BCAS3: variants seen among roughly 807,000 people sequenced by gnomAD.
BCAS3 encodes BCAS3 microtubule associated cell migration factor, also known as BCAS4/BCAS3 fusion.
Under a neutral mutation model 116.1 loss-of-function variants are expected in BCAS3, and 53 were observed. The ratio of observed to expected loss-of-function variants is 0.46; its 90% CI spans 0.37 to 0.57. BCAS3 has a LOEUF of 0.57. BCAS3 is among the 20% of genes least tolerant of loss of function. The pLI is 0.00. For missense variants in BCAS3, 917 were observed against 1,165.4 expected (o/e 0.79, Z 3.10); for synonymous variants, 391 against 408.2 (o/e 0.96, Z 0.51).
intron 14 of BCAS3, among the ~76,000 whole-genome samples, chr17:60,985,633 C>T (rs1312695296): frequency 2.0e-5 from 3 of 152,166 alleles, no homozygotes; most frequent in African/African-American, 4.8e-5. Flanking sequence ...TTCTATTTTT[C>T]GTACCCATTA....
intron 13 of BCAS3, among the ~76,000 whole-genome samples, chr17:60,935,737 CTTAG>C (rs1268281092): frequency 1.3e-5 from 2 of 152,078 alleles, no homozygotes; most frequent in African/African-American, 2.4e-5. Context: ...TCATTTGTTA[CTTAG>C]TTACTTACTT....
At position 61,181,680 on chromosome 17, in the gene BCAS3, G is replaced by C. The variant is rs2079491303; in HGVS notation, c.2425+97116G>C. Among the ~76,000 whole-genome samples the C allele has an allele frequency of 6.6e-6, 1 of 152,124 alleles. No homozygotes were observed. The highest frequency in any genetic ancestry group is 2.4e-5 in the African/African-American group (1 of 41,418). On this transcript the variant is annotated intron_variant, in intron 22 of 23. Transcript: ENST00000407086. This position sits in a 1 kb window ranked among gnomAD's most constrained non-coding sequence, Gnocchi z 5.0. ...CTGTTACTCTGATCATCTACATATA[G>C]AGATACACTGGATGATAAGAGTCAA... is the stretch of plus-strand genomic sequence containing the variant.
At chr17:61,216,588 C>A (rs1019634716) in intron 22 of BCAS3, among the ~76,000 whole-genome samples, 2 of 150,426 alleles carry the variant, frequency 1.3e-5, no homozygotes, top group Non-Finnish European at 3.0e-5. Context: ...CTCTGTCGCC[C>A]AGGCTGAAGT....
chr17:61,272,389 T>C (rs2050359599), intron 22 of BCAS3, among the ~76,000 whole-genome samples: 1 of 151,924 alleles, frequency 6.6e-6, no homozygotes, highest in Admixed American at 6.6e-5. Flanking sequence ...TCCCAGCACT[T>C]TGGGAGGCTG....
intron 5 of BCAS3, among the ~76,000 whole-genome samples, chr17:60,719,066 A>G (rs754930587): frequency 6.6e-6 from 1 of 152,200 alleles, no homozygotes. Flanking sequence ...TGTCTCAAAA[A>G]AAACAAAAAC....
At chr17:60,922,551 A>G (rs1366788704) in intron 12 of BCAS3, among the ~76,000 whole-genome samples, 1 of 152,250 alleles carries the variant, frequency 6.6e-6, no homozygotes, top group Non-Finnish European at 1.5e-5. Context: ...CTATTAAAAA[A>G]TAATTGATAG....
chr17:60,977,590 G>C (rs1029777966), intron 14 of BCAS3, among the ~76,000 whole-genome samples: 1 of 151,564 alleles, frequency 6.6e-6, no homozygotes, highest in East Asian at 1.9e-4. Context: ...CCATGCTGGT[G>C]CCCTGCACCC....
intron 22 of BCAS3, among the ~76,000 whole-genome samples, chr17:61,178,174 C>T (rs747980271): frequency 3.9e-5 from 6 of 152,104 alleles, no homozygotes; most frequent in Non-Finnish European, 7.4e-5. Flanking sequence ...ATTCCATGGA[C>T]GTCCTGCTTG....
At chr17:60,979,084 T>C (rs2062617855) in intron 14 of BCAS3, among the ~76,000 whole-genome samples, 1 of 146,678 alleles carries the variant, frequency 6.8e-6, no homozygotes, top group African/African-American at 2.5e-5. Context: ...ATCTGTAAAT[T>C]ACCTTGGGCA....
intron 10 of BCAS3, chr17:60,900,233 T>C (rs754012128): frequency 1.8e-4 from 27 of 152,276 alleles, no homozygotes; most frequent in Non-Finnish European, 2.5e-4. Flanking sequence ...AAATATTGTC[T>C]TGCTATAGCC....
intron 19 of BCAS3, among the ~76,000 whole-genome samples, chr17:61,061,816 CA>C (rs1168108960): frequency 6.6e-6 from 1 of 152,136 alleles, no homozygotes; most frequent in African/African-American, 2.4e-5. Context: ...ATGCTTTCAG[CA>C]AATAATCATT....
intron 6 of BCAS3, among the ~76,000 whole-genome samples, chr17:60,755,069 C>CT (rs2042877439): frequency 6.6e-6 from 1 of 152,074 alleles, no homozygotes; most frequent in South Asian, 2.1e-4. Context: ...TCTTAAATTT[C>CT]TTTAATGATT....
At chr17:60,777,086 GTA>G (rs1305792905) in intron 6 of BCAS3, among the ~76,000 whole-genome samples, 1 of 151,436 alleles carries the variant, frequency 6.6e-6, no homozygotes, top group East Asian at 1.9e-4. Context: ...GTATATATGT[GTA>G]TATATATATT....
chr17:60,769,252 C>T (rs1451282096), intron 6 of BCAS3, among the ~76,000 whole-genome samples: 1 of 152,138 alleles, frequency 6.6e-6, no homozygotes, highest in Non-Finnish European at 1.5e-5. Context: ...AGGATGGTCC[C>T]TAGCCCACTG....
intron 22 of BCAS3, among the ~76,000 whole-genome samples, chr17:61,295,722 G>C (rs997270704): frequency 1.3e-5 from 2 of 151,976 alleles, no homozygotes; most frequent in African/African-American, 2.4e-5. Context: ...GGAGGCCGAG[G>C]CGGGTGGATC....
At chr17:60,872,249 A>G (rs2055169763) in intron 8 of BCAS3, among the ~76,000 whole-genome samples, 1 of 151,904 alleles carries the variant, frequency 6.6e-6, no homozygotes, top group South Asian at 2.1e-4. Flanking sequence ...AGAATATTAT[A>G]TGCGTGTATG....
At chr17:60,989,898 G>C (rs1049789651) in intron 14 of BCAS3, 73 bp from the exon 15 acceptor site, 5 of 1,457,106 alleles carry the variant, frequency 3.4e-6, no homozygotes, top group African/African-American at 1.4e-5. Context: ...TTCATATTTG[G>C]TGATGTGTGA....
intron 22 of BCAS3, among the ~76,000 whole-genome samples, chr17:61,271,124 CTTTTTTTTT>C (rs1198682844): frequency 1.9e-5 from 2 of 107,124 alleles, no homozygotes; most frequent in Non-Finnish European, 3.8e-5. Flanking sequence ...AACTTTTATT[CTTTTTTTTT>C]TTTTTTTTTT....
chr17:60,977,145 G>A (rs910963640), intron 14 of BCAS3, among the ~76,000 whole-genome samples: 8 of 152,028 alleles, frequency 5.3e-5, no homozygotes, highest in African/African-American at 1.9e-4. Context: ...CTGGCCAGGC[G>A]GGGGCTGCCC....
Sources: gnomAD v4.1 joint callset for allele counts (sites outside exome capture counted in the v4.1 genomes callset) on GRCh38, gnomAD v4.1.1 for gene constraint, Gnocchi (gnomAD v3.1) non-coding constraint, MANE v1.5 for transcripts, NCBI Gene and HGNC (gene_info 2026-07-23, HGNC 2026-07-21) for gene names.